AKR1C8: variants seen among roughly 807,000 people sequenced by gnomAD.
AKR1C8 encodes the protein aldo-keto reductase family 1 member C-like protein 1.
chr10:5,182,387 C>T, the AKR1C8 span, among the ~76,000 whole-genome samples: 2 of 152,126 alleles, frequency 1.3e-5, no homozygotes, highest in Non-Finnish European at 2.9e-5. Context: ...CTTGTCTATG[C>T]AGTTCCCAAA....
At chr10:5,168,396 A>G in the AKR1C8 span, among the ~76,000 whole-genome samples, 98 of 152,056 alleles carry the variant, frequency 6.4e-4, no homozygotes, top group Middle Eastern at 3.4e-3. Context: ...ATAGTCATCA[A>G]TTCCTCCAGT....
At chr10:5,148,566 G>A in the AKR1C8 span, among the ~76,000 whole-genome samples, 1 of 152,166 alleles carries the variant, frequency 6.6e-6, no homozygotes, top group Non-Finnish European at 1.5e-5. Context: ...GTCAGGTACA[G>A]AATGAGGCAA....
chr10:5,117,685 T>A, the AKR1C8 span, among the ~76,000 whole-genome samples: 1 of 152,050 alleles, frequency 6.6e-6, no homozygotes, highest in Non-Finnish European at 1.5e-5. Flanking sequence ...AGGCCTTTGG[T>A]GAGGTCTTCA....
At chr10:5,184,901 G>A in the AKR1C8 span, 1 of 382,056 alleles carries the variant, frequency 2.6e-6, no homozygotes, top group Admixed American at 3.1e-5. Context: ...TGAAATCCCA[G>A]ATGAGCCCTT....
chr10:5,127,870 T>C, the AKR1C8 span, among the ~76,000 whole-genome samples: 1,102 of 152,060 alleles, frequency 7.2e-3, 14 homozygotes, highest in African/African-American at 0.025. Flanking sequence ...GAGAGAATAA[T>C]TGAGAAAAAC....
At chr10:5,135,739 T>G in the AKR1C8 span, among the ~76,000 whole-genome samples, 1 of 132,886 alleles carries the variant, frequency 7.5e-6, no homozygotes, top group Admixed American at 7.8e-5. Flanking sequence ...TGATCAATCA[T>G]TGTACATCTT....
At chr10:5,131,656 G>A in the AKR1C8 span, among the ~76,000 whole-genome samples, 3 of 146,782 alleles carry the variant, frequency 2.0e-5, no homozygotes, top group Non-Finnish European at 3.1e-5. Context: ...TGCAAGAATG[G>A]TTATAATTTA....
the AKR1C8 span, among the ~76,000 whole-genome samples, chr10:5,158,917 T>C: frequency 6.6e-6 from 1 of 152,330 alleles, no homozygotes; most frequent in African/African-American, 2.4e-5. Context: ...TCCTTTTCTA[T>C]TCGTGTTTGA....
chr10:5,142,325 G>T, the AKR1C8 span, among the ~76,000 whole-genome samples: 17 of 152,032 alleles, frequency 1.1e-4, no homozygotes, highest in African/African-American at 3.9e-4. Flanking sequence ...CAGTAGTAAA[G>T]CTTGTTTTGC....
chr10:5,162,148 A>C, the AKR1C8 span, among the ~76,000 whole-genome samples: 2 of 152,206 alleles, frequency 1.3e-5, no homozygotes, highest in African/African-American at 2.4e-5. Context: ...TGGGATACTG[A>C]GATTTCCTTG....
the AKR1C8 span, among the ~76,000 whole-genome samples, chr10:5,119,606 T>C: frequency 6.6e-6 from 1 of 152,182 alleles, no homozygotes; most frequent in Non-Finnish European, 1.5e-5. Context: ...AACATCCTCA[T>C]ATTCAAATCT....
the AKR1C8 span, among the ~76,000 whole-genome samples, chr10:5,156,994 A>G: frequency 6.6e-6 from 1 of 152,214 alleles, no homozygotes; most frequent in Non-Finnish European, 1.5e-5. Context: ...AGAAGGGTTT[A>G]CAAGATAACT....
At chr10:5,154,189 G>T in the AKR1C8 span, 1 of 470,352 alleles carries the variant, frequency 2.1e-6, no homozygotes, top group South Asian at 1.6e-5. Flanking sequence ...AGCACTGAAA[G>T]AGAAAAAATA....
At chr10:5,183,325 A>C in the AKR1C8 span, among the ~76,000 whole-genome samples, 1 of 152,174 alleles carries the variant, frequency 6.6e-6, no homozygotes, top group South Asian at 2.1e-4. Flanking sequence ...AAGACCAAAA[A>C]AACTAAGCAA....
At chr10:5,145,395 CAGAGTG>C in the AKR1C8 span, among the ~76,000 whole-genome samples, 10 of 152,088 alleles carry the variant, frequency 6.6e-5, no homozygotes, top group African/African-American at 2.4e-4. Flanking sequence ...AAACTACCAT[CAGAGTG>C]AACAGGCAAC....
the AKR1C8 span, among the ~76,000 whole-genome samples, chr10:5,151,239 A>T: frequency 6.6e-6 from 1 of 152,192 alleles, no homozygotes. Flanking sequence ...GGAGCAATTT[A>T]TGGAAGTTCA....
At chr10:5,169,115 T>G in the AKR1C8 span, among the ~76,000 whole-genome samples, 1 of 152,104 alleles carries the variant, frequency 6.6e-6, no homozygotes, top group Non-Finnish European at 1.5e-5. Context: ...ACACCGCACC[T>G]CCCCCTGTGC....
the AKR1C8 span, among the ~76,000 whole-genome samples, chr10:5,118,061 G>T: frequency 7.5e-3 from 1,148 of 152,220 alleles, 8 homozygotes; most frequent in Non-Finnish European, 0.011. Context: ...TTGTGACTTG[G>T]TCTAGCACCA....
At chr10:5,179,554 G>A in the AKR1C8 span, among the ~76,000 whole-genome samples, 1 of 151,672 alleles carries the variant, frequency 6.6e-6, no homozygotes, top group South Asian at 2.1e-4. Flanking sequence ...AGTTCTCCTG[G>A]ATAATATCCT....
Sources: gnomAD v4.1 joint callset for allele counts (sites outside exome capture counted in the v4.1 genomes callset) on GRCh38, gnomAD v4.1.1 for gene constraint, MANE v1.5 for transcripts, NCBI Gene and HGNC (gene_info 2026-07-23, HGNC 2026-07-21) for gene names.